Variants in C1orf105 observed in about 807,000 individuals in gnomAD.
C1orf105 encodes the protein uncharacterized protein C1orf105.
A neutral mutation model predicts 20.8 loss-of-function variants in C1orf105; 17 were observed. The observed-to-expected ratio is 0.82, with a 90% CI of 0.56 to 1.23. The LOEUF (loss-of-function observed/expected upper bound fraction) is 1.23. Among genes scored for constraint, C1orf105 ranks in the 50% most tolerant of loss-of-function variants. The pLI is 0.00. For missense variants in C1orf105, 219 were observed against 213.5 expected (o/e 1.03, Z -0.16); for synonymous variants, 72 against 72.1 (o/e 1.00, Z 0.01).
intron 1 of C1orf105, among the ~76,000 whole-genome samples, chr1:172,438,358 G>A (rs1040438360): frequency 2.6e-5 from 4 of 152,148 alleles, no homozygotes; most frequent in Non-Finnish European, 4.4e-5. Flanking sequence ...TCAAAATATC[G>A]ACATTAATAG....
chr1:172,443,633 A>C (rs1326040010), intron 1 of C1orf105: 1 of 167,124 alleles, frequency 6.0e-6, no homozygotes, highest in African/African-American at 2.4e-5. Flanking sequence ...AAAAAAATTC[A>C]TATTGCCCGA....
At chr1:172,435,836 T>C (rs977695936) in intron 1 of C1orf105, among the ~76,000 whole-genome samples, 2 of 152,220 alleles carry the variant, frequency 1.3e-5, no homozygotes, top group South Asian at 4.1e-4. Flanking sequence ...TGATTGTATA[T>C]TTAGAAAACC....
intron 1 of C1orf105, chr1:172,443,659 G>A (rs1402322934): frequency 1.2e-5 from 2 of 167,118 alleles, no homozygotes; most frequent in Non-Finnish European, 2.9e-5. Flanking sequence ...TTTCTTCCAT[G>A]ATAGACCACA....
In C1orf105 at chr1:172,441,310, A is replaced by C. The variant is rs774413390; in HGVS notation, c.22-3763A>C. 97 of 154,836 alleles carry C rather than the reference A, an allele frequency of 6.3e-4. 2 individuals carry two copies. The highest frequency in any genetic ancestry group is 1.6e-4 in the Non-Finnish European group (11 of 70,100). The allele number at this position is 154,836 out of a possible 1,614,324, so 9.6% of individuals were successfully genotyped here. ...CTAAGATTTGAGCCCTAGATAAATA[A>C]AAGAGCATTAGCACATTGAAAAGGG... On this transcript the variant is annotated intron_variant, in intron 1 of 6. Transcript: ENST00000367727.
At chr1:172,445,017 T>A (rs1051368059) in intron 1 of C1orf105, 56 bp from the exon 2 acceptor site, 1 of 1,409,216 alleles carries the variant, frequency 7.1e-7, no homozygotes, top group Admixed American at 1.8e-5. Flanking sequence ...GCCATCGTAA[T>A]GATAGCAATG....
At chr1:172,468,387 C>T in intron 6 of C1orf105, 62 bp from the exon 7 acceptor site, 1 of 1,317,828 alleles carries the variant, frequency 7.6e-7, no homozygotes, top group South Asian at 2.1e-5. Flanking sequence ...TTATTTTGAG[C>T]TTCTTTAAGA....
At chr1:172,465,115 A>G (rs1649946201) in intron 5 of C1orf105, among the ~76,000 whole-genome samples, 184 bp from the exon 6 acceptor site, 1 of 152,046 alleles carries the variant, frequency 6.6e-6, no homozygotes, top group Non-Finnish European at 1.5e-5. Flanking sequence ...CCCGGGAGGC[A>G]GAGGTTGCAC....
chr1:172,445,025 A>C, intron 1 of C1orf105, 48 bp from the exon 2 acceptor site: 4 of 1,463,916 alleles, frequency 2.7e-6, no homozygotes, highest in Non-Finnish European at 3.8e-6. Flanking sequence ...AATGATAGCA[A>C]TGTTTAAGTG....
chr1:172,428,957 A>T, intron 1 of C1orf105: 1 of 558,238 alleles, frequency 1.8e-6, no homozygotes, highest in African/African-American at 1.9e-5. Flanking sequence ...ATTTTGGGGG[A>T]TACTGTTGGA....
At chr1:172,428,557 C>A (rs988759045) in intron 1 of C1orf105, among the ~76,000 whole-genome samples, 2 of 152,210 alleles carry the variant, frequency 1.3e-5, no homozygotes, top group African/African-American at 4.8e-5. Flanking sequence ...TGCAGCTCTT[C>A]CCTCTGACTG....
At chr1:172,441,678 T>C (rs763082245) in intron 1 of C1orf105, 1 of 1,407,260 alleles carries the variant, frequency 7.1e-7, no homozygotes, top group Non-Finnish European at 9.6e-7. Flanking sequence ...TCTATACTAG[T>C]TAGGAGGCTA....
chr1:172,421,902 G>C (rs559276387), intron 1 of C1orf105, among the ~76,000 whole-genome samples: 71 of 152,260 alleles, frequency 4.7e-4, no homozygotes, highest in Admixed American at 1.1e-3. Context: ...ATACGGGGCA[G>C]AACTTAGCTG....
intron 5 of C1orf105, among the ~76,000 whole-genome samples, chr1:172,463,483 A>C (rs1649836727): frequency 2.0e-5 from 3 of 152,232 alleles, no homozygotes; most frequent in African/African-American, 7.2e-5. Flanking sequence ...AAAGTTATGG[A>C]GGAAGTGGCT....
intron 1 of C1orf105, chr1:172,441,943 C>T (rs766631111): frequency 1.9e-6 from 3 of 1,614,218 alleles, no homozygotes; most frequent in East Asian, 4.5e-5. Context: ...CCCCACATAG[C>T]TCCGGGGAGT....
At chr1:172,441,181 A>G (rs567766460) in intron 1 of C1orf105, among the ~76,000 whole-genome samples, 2 of 152,318 alleles carry the variant, frequency 1.3e-5, no homozygotes, top group African/African-American at 4.8e-5. Flanking sequence ...CTTTGCAATT[A>G]GTTGTGATAT....
chr1:172,428,855 G>A (rs1573828354), intron 1 of C1orf105: 1 of 693,552 alleles, frequency 1.4e-6, no homozygotes, highest in Non-Finnish European at 2.6e-6. Flanking sequence ...AATATTTATT[G>A]ACAATAAATT....
rs1022208525 is a variant in C1orf105, at chr1:172,465,532, C to A, written c.406+169C>A. On this transcript the variant is annotated intron_variant, in intron 6 of 6. Coordinates refer to ENST00000367727, the MANE Select transcript of C1orf105 (RefSeq NM_139240.4). ...TGACCTGCTGGAATTGGTTCACAGC[C>A]CTTCTTTCACTCCAGCACCACCTGT... 13 of 689,820 alleles carry A rather than the reference C, an allele frequency of 1.9e-5. No homozygotes were observed. The African/African-American group carries it at 1.9e-4, about 10-fold the overall frequency. The allele number at this position is 689,820 out of a possible 1,614,324, so 42.7% of individuals were successfully genotyped here.
chr1:172,467,456 A>G (rs1650142525), intron 6 of C1orf105, among the ~76,000 whole-genome samples: 1 of 152,224 alleles, frequency 6.6e-6, no homozygotes, highest in South Asian at 2.1e-4. Flanking sequence ...ACTTGATCCC[A>G]GAATCCCATG....
At chr1:172,466,298 G>A (rs558050315) in intron 6 of C1orf105, among the ~76,000 whole-genome samples, 7 of 152,166 alleles carry the variant, frequency 4.6e-5, no homozygotes, top group African/African-American at 7.2e-5. Context: ...CTAATGAATC[G>A]CTTCTTATGT....
Sources: allele counts gnomAD v4.1 joint callset (sites outside exome capture counted in the v4.1 genomes callset), GRCh38; gene constraint gnomAD v4.1.1; transcripts MANE v1.5; gene names NCBI Gene and HGNC (gene_info 2026-07-23, HGNC 2026-07-21).